Variants in AKT1S1 observed in about 807,000 individuals in gnomAD.
AKT1S1 encodes proline-rich AKT1 substrate 1.
AKT1S1 carries 17 observed loss-of-function variants against 21.2 expected under a neutral mutation model. That is an observed-to-expected ratio of 0.80 (90% confidence interval 0.55 to 1.20). The LOEUF is 1.20. Ranked by LOEUF, AKT1S1 falls within the 50% of genes most tolerant of loss-of-function variation. AKT1S1 has a pLI of 0.00. For missense variants in AKT1S1, 366 were observed against 368.3 expected (o/e 0.99, Z 0.05); for synonymous variants, 181 against 165.6 (o/e 1.09, Z -0.72).
chr19:49,878,206 T>A (rs763676011), upstream of AKT1S1: 44 of 1,566,734 alleles, frequency 2.8e-5, no homozygotes, highest in South Asian at 1.8e-4. Flanking sequence ...GGACCGAGAC[T>A]CTCTCATCGC....
chr19:49,871,705 T>C lies in AKT1S1; in HGVS notation c.469A>G (p.Ser157Gly). ...GGGGGGCCGGCGGGGGTCTCCTCGC[T>C]CAGGCTGCCATCTGAAAGAGAGGGT... The part of the protein sequence containing the change: ...DPESTDDGSL[S>G]EETPAGPPTC... The change falls in exon 4 of 5, where the codon AGC becomes GGC. Residue 157 changes from serine to glycine, a missense_variant. Transcript: ENST00000344175. 1 of 1,612,872 alleles carries C rather than the reference T, an allele frequency of 6.2e-7. No individual in the cohort carries two copies. The highest frequency in any genetic ancestry group is 1.1e-5 in the South Asian group (1 of 91,056).
intron 1 of AKT1S1, chr19:49,875,893 G>T (rs541085091): frequency 1.7e-5 from 17 of 985,432 alleles, no homozygotes; most frequent in Non-Finnish European, 2.0e-5. Context: ...TCTAGAGGAG[G>T]TCCTGTTTCC....
At chr19:49,875,638 G>A (rs543652052) in intron 1 of AKT1S1, among the ~76,000 whole-genome samples, 2 of 152,334 alleles carry the variant, frequency 1.3e-5, no homozygotes, top group African/African-American at 2.4e-5. Flanking sequence ...GCGGAGAAGA[G>A]GGGGAGAGGA....
chr19:49,878,199 C>G (rs1170568179), upstream of AKT1S1: 2 of 1,570,312 alleles, frequency 1.3e-6, no homozygotes, highest in Admixed American at 3.7e-5. Context: ...AGTATCAGGA[C>G]CGAGACTCTC....
At chr19:49,874,663 C>T (rs921558329) in intron 1 of AKT1S1, 1 of 152,316 alleles carries the variant, frequency 6.6e-6, no homozygotes, top group Non-Finnish European at 1.5e-5. Context: ...CTGACTCTGT[C>T]TCAAACCTGC....
At chr19:49,872,089 A>C (rs962004734) in intron 2 of AKT1S1, among the ~76,000 whole-genome samples, 200 bp from the exon 3 acceptor site, 3 of 152,200 alleles carry the variant, frequency 2.0e-5, no homozygotes, top group African/African-American at 4.8e-5. Flanking sequence ...GTTTCTATGG[A>C]TCTGCCACCC....
chr19:49,869,712 G>C lies in AKT1S1; in HGVS notation c.*205C>G, dbSNP rs927416861. On this transcript the variant is annotated 3_prime_UTR_variant, in exon 5 of 5. Transcript: ENST00000344175. ...CGGAGAGAGACGACAGACCCAATCG[G>C]GAAACGGGACAGATGCCGCTCCTCG... 7.7e-6 allele frequency: 4 copies of C among 518,712 alleles called. No individual in the cohort carries two copies. Among genetic ancestry groups the C allele is most frequent in the Non-Finnish European group, 1.3e-5 (4 of 311,276 alleles). 32.1% of individuals were successfully genotyped at this position (518,712 alleles called of 1,614,324 possible).
chr19:49,876,183 C>A (rs1015684574), intron 1 of AKT1S1: 1 of 1,011,818 alleles, frequency 9.9e-7, no homozygotes, highest in Non-Finnish European at 1.2e-6. Context: ...GCTCAGCTGC[C>A]CCGAGACCTC....
At chr19:49,877,788 C>T, upstream of AKT1S1, 1 of 1,564,274 alleles carries the variant, frequency 6.4e-7, no homozygotes, top group Non-Finnish European at 8.7e-7. Flanking sequence ...GTATGCGAAA[C>T]GCCCCGTCTA....
At position 49,871,844 on chromosome 19, in the gene AKT1S1, G is replaced by T. The variant is rs200662721; in HGVS notation, c.425C>A (p.Pro142His). The T allele has an allele frequency of 1.1e-5, 18 of 1,611,512 alleles. No individual in the cohort carries two copies. The highest frequency in any genetic ancestry group is 3.3e-5 in the South Asian group (3 of 90,988). ...ACTCTCGGGGTCTGACTCACAGAAG[G>T]GGGGAAGGTCCTGGAGGGTGGCGTC... ...DEDATLQDLP[P>H]FCESDPESTD... The change falls in exon 3 of 5, where the codon CCC becomes CAC. Residue 142 changes from proline (P) to histidine (H), a missense_variant. Coordinates refer to ENST00000344175, the MANE Select transcript of AKT1S1 (RefSeq NM_001098633.4).
intron 1 of AKT1S1, chr19:49,874,952 C>G (rs2074923931): frequency 6.6e-6 from 1 of 152,242 alleles, no homozygotes; most frequent in Non-Finnish European, 1.5e-5. Context: ...GATTCCACAC[C>G]TGGCATCTCA....
In AKT1S1 at chr19:49,873,344, C is replaced by A; in HGVS notation, c.-7-42G>T. ...GACAGAGGGGGCTGAGGCTTGGCGG[C>A]CTACATCATCGCCACCCACTCAGAG... On this transcript the variant is annotated intron_variant, in intron 1 of 4. Coordinates refer to ENST00000344175, the MANE Select transcript of AKT1S1 (RefSeq NM_001098633.4). The surrounding 1 kb of genome is among the most constrained non-coding windows in gnomAD (Gnocchi z 6.9). The A allele has an allele frequency of 1.4e-6, 2 of 1,401,950 alleles. No homozygotes were observed. Among genetic ancestry groups the A allele is most frequent in the Non-Finnish European group, 1.8e-6 (2 of 1,087,000 alleles). The allele number at this position is 1,401,950 out of a possible 1,614,324, so 86.8% of individuals were successfully genotyped here. A position where few individuals can be genotyped will look rare whatever the true frequency, so the allele number is the denominator to read the frequency against.
chr19:49,877,009 TCTCC>T (rs1381075695), intron 1 of AKT1S1: 5 of 265,120 alleles, frequency 1.9e-5, no homozygotes, highest in Non-Finnish European at 2.1e-5. Context: ...GTATATTGGC[TCTCC>T]CTCCCTCCAA....
At chr19:49,877,709 CCTT>C (rs765344972), upstream of AKT1S1, 1 of 1,600,544 alleles carries the variant, frequency 6.2e-7, no homozygotes, top group Non-Finnish European at 8.5e-7. Flanking sequence ...GGCAGTGGGG[CCTT>C]CGGCGGCGAC....
intron 1 of AKT1S1, among the ~76,000 whole-genome samples, chr19:49,876,450 C>T (rs1300744244): frequency 1.3e-5 from 2 of 152,370 alleles, no homozygotes; most frequent in East Asian, 3.9e-4. Context: ...CGACCCCCTT[C>T]CAGCGCTCAG....
chr19:49,875,763 A>C (rs1285727723), intron 1 of AKT1S1: 1 of 789,374 alleles, frequency 1.3e-6, no homozygotes, highest in Admixed American at 6.2e-5. Context: ...AACTCAGGAG[A>C]CATGAGCAAA....
chr19:49,877,637 C>T, upstream of AKT1S1: 3 of 1,480,392 alleles, frequency 2.0e-6, no homozygotes, highest in Non-Finnish European at 2.8e-6. Context: ...CACTGTCCGG[C>T]CCGGAGGGGA....
intron 1 of AKT1S1, chr19:49,876,714 TC>T (rs1335652802): frequency 3.4e-5 from 48 of 1,409,502 alleles, no homozygotes; most frequent in Non-Finnish European, 4.3e-5. Flanking sequence ...ACACTCCGCC[TC>T]CCTTATCGGG....
chr19:49,876,294 G>A (rs1411359431), intron 1 of AKT1S1: 1 of 1,187,960 alleles, frequency 8.4e-7, no homozygotes, highest in Non-Finnish European at 1.0e-6. Flanking sequence ...CCTTTGGACG[G>A]GTGAGGGGCG....
Sources: gnomAD v4.1 joint callset for allele counts (sites outside exome capture counted in the v4.1 genomes callset) on GRCh38, gnomAD v4.1.1 for gene constraint, Gnocchi (gnomAD v3.1) non-coding constraint, MANE v1.5 for transcripts, NCBI Gene and HGNC (gene_info 2026-07-23, HGNC 2026-07-21) for gene names.